SEMA3C: variants seen among roughly 807,000 people sequenced by gnomAD.
SEMA3C encodes semaphorin-3C.
SEMA3C carries 47 observed loss-of-function variants against 89.4 expected under a neutral mutation model. The ratio of observed to expected loss-of-function variants is 0.53; its 90% confidence interval spans 0.42 to 0.67. The LOEUF (loss-of-function observed/expected upper bound fraction) is 0.67, where lower values mean the gene tolerates loss of function less well. Among genes scored for constraint, SEMA3C ranks in the 30% least tolerant of loss-of-function variants. The pLI is 0.00. For synonymous variants in SEMA3C, 310 were observed against 320.2 expected, an observed-to-expected ratio of 0.97 and a Z score of 0.34; for missense variants, 839 against 929.1, an observed-to-expected ratio of 0.90 and a Z score of 1.26.
chr7:80,744,794 A>G lies in SEMA3C; in HGVS notation c.*100T>C. On this transcript the variant is annotated 3_prime_UTR_variant, in exon 18 of 18. Transcript: ENST00000265361. ...CACTTCAGGAGTAATCACCTTTTTC[A>G]GTAATTCCCCTTGGTAAAGCACAAG... is the stretch of plus-strand genomic sequence containing the variant. 1 of 1,342,348 alleles carries G rather than the reference A, an allele frequency of 7.4e-7. No individual in the cohort carries two copies. Among genetic ancestry groups the G allele is most frequent in the Non-Finnish European group, 1.1e-6 (1 of 950,548 alleles). The allele number at this position is 1,342,348 out of a possible 1,614,324, so 83.2% of individuals were successfully genotyped here.
chr7:80,899,939 C>G (rs1489329855), intron 2 of SEMA3C, among the ~76,000 whole-genome samples: 1 of 152,186 alleles, frequency 6.6e-6, no homozygotes, highest in African/African-American at 2.4e-5. Context: ...TTCTAGTTAT[C>G]TTTTAAAATC....
upstream of SEMA3C, among the ~76,000 whole-genome samples, chr7:80,921,689 C>T (rs3762022): frequency 1.1e-4 from 16 of 152,136 alleles, no homozygotes; most frequent in Admixed American, 2.6e-4. Context: ...CCCAGCAAAA[C>T]GTTTCAGACG....
intron 2 of SEMA3C, among the ~76,000 whole-genome samples, chr7:80,883,519 T>C (rs1791401027): frequency 6.6e-6 from 1 of 152,224 alleles, no homozygotes; most frequent in African/African-American, 2.4e-5. Context: ...GGTTTTCCCT[T>C]AATACATGAA....
At chr7:80,863,230 T>TAAA (rs57655836) in intron 2 of SEMA3C, among the ~76,000 whole-genome samples, 13,106 of 125,502 alleles carry the variant, frequency 0.1, 846 homozygotes, top group African/African-American at 0.2. Flanking sequence ...GACTCCATCT[T>TAAA]AAAAAAAAAA....
chr7:80,851,317 C>G (rs1790506063), intron 2 of SEMA3C, among the ~76,000 whole-genome samples: 1 of 151,644 alleles, frequency 6.6e-6, no homozygotes, highest in East Asian at 1.9e-4. Flanking sequence ...CCAGCCTGAC[C>G]AACATGGTGA....
upstream of SEMA3C, among the ~76,000 whole-genome samples, chr7:80,919,795 G>C (rs2116273899): frequency 6.6e-6 from 1 of 152,058 alleles, no homozygotes; most frequent in Admixed American, 6.6e-5. Flanking sequence ...GGATGGTCTG[G>C]ATCTCTTGAC....
chr7:80,840,390 G>A (rs1465923296), intron 2 of SEMA3C, among the ~76,000 whole-genome samples: 1 of 151,664 alleles, frequency 6.6e-6, no homozygotes, highest in African/African-American at 2.4e-5. Flanking sequence ...TTGGTGGCAT[G>A]CACCTGTAGT....
chr7:80,820,476 AT>A (rs1789720921), intron 4 of SEMA3C, among the ~76,000 whole-genome samples: 1 of 151,732 alleles, frequency 6.6e-6, no homozygotes, highest in East Asian at 1.9e-4. Context: ...ATTTTCCATC[AT>A]TTTTTCCTTT....
At chr7:80,920,757 C>G (rs74582633), upstream of SEMA3C, among the ~76,000 whole-genome samples, 649 of 152,142 alleles carry the variant, frequency 4.3e-3, 4 homozygotes, top group African/African-American at 0.015. Context: ...GAATTTAACC[C>G]CCCAAAAACT....
chr7:80,874,332 G>C (rs114250322), intron 2 of SEMA3C, among the ~76,000 whole-genome samples: 1,797 of 152,268 alleles, frequency 0.012, 37 homozygotes, highest in African/African-American at 0.041. Flanking sequence ...CATACTGGTT[G>C]TTAGGCAGGG....
At chr7:80,863,085 T>A (rs1191276560) in intron 2 of SEMA3C, among the ~76,000 whole-genome samples, 1 of 151,768 alleles carries the variant, frequency 6.6e-6, no homozygotes. Flanking sequence ...AGATAAATAG[T>A]TGGGACTTAA....
intron 2 of SEMA3C, among the ~76,000 whole-genome samples, chr7:80,878,879 G>T (rs1189051396): frequency 6.6e-6 from 1 of 151,440 alleles, no homozygotes; most frequent in African/African-American, 2.4e-5. Flanking sequence ...AAAAATATTA[G>T]AAAAAAAAGT....
intron 2 of SEMA3C, among the ~76,000 whole-genome samples, chr7:80,839,532 T>G (rs17154543): frequency 0.052 from 7,963 of 152,256 alleles, 765 homozygotes; most frequent in East Asian, 0.46. Context: ...ATTAAAAATT[T>G]TTTTTGTGTA....
chr7:80,899,311 G>A lies in SEMA3C; in HGVS notation c.103+17368C>T, dbSNP rs2116188657. On this transcript the variant is annotated intron_variant, in intron 2 of 17. Transcript: ENST00000265361. ...CCATCTTGGCCTCCGAAAGTGCTGG[G>A]ATTACAGGTGTGAGCCACTGTGCTC... Among the ~76,000 whole-genome samples the A allele has an allele frequency of 1.3e-5, 2 of 152,282 alleles. 1 individual carries two copies.
intron 10 of SEMA3C, among the ~76,000 whole-genome samples, chr7:80,799,174 T>C (rs3807110): frequency 0.094 from 14,346 of 152,246 alleles, 754 homozygotes; most frequent in Admixed American, 0.13. Context: ...CTTAAAGACA[T>C]CTTTTTAGAC....
At chr7:80,810,102 A>G (rs1490273392) in intron 6 of SEMA3C, among the ~76,000 whole-genome samples, 1 of 152,184 alleles carries the variant, frequency 6.6e-6, no homozygotes, top group African/African-American at 2.4e-5. Context: ...CATTCTCACC[A>G]CAAAAAAATA....
chr7:80,912,569 C>T (rs1792178376), intron 2 of SEMA3C, among the ~76,000 whole-genome samples: 1 of 152,162 alleles, frequency 6.6e-6, no homozygotes, highest in Non-Finnish European at 1.5e-5. Context: ...GTAGAAGGAA[C>T]TTTTTATTCA....
At chr7:80,874,423 G>A (rs1791148569) in intron 2 of SEMA3C, among the ~76,000 whole-genome samples, 1 of 150,746 alleles carries the variant, frequency 6.6e-6, no homozygotes, top group East Asian at 1.9e-4. Flanking sequence ...TATGTTCAAT[G>A]CATTATTTAA....
chr7:80,914,350 C>T (rs1792221896), intron 2 of SEMA3C, among the ~76,000 whole-genome samples: 2 of 151,652 alleles, frequency 1.3e-5, no homozygotes, highest in South Asian at 4.2e-4. Context: ...CATCATTTGA[C>T]TAATGAGAAA....
Sources: allele counts gnomAD v4.1 joint callset (sites outside exome capture counted in the v4.1 genomes callset), GRCh38; gene constraint gnomAD v4.1.1; transcripts MANE v1.5; gene names NCBI Gene and HGNC (gene_info 2026-07-23, HGNC 2026-07-21).